The following AGAP1 variants were observed in gnomAD, a reference collection of about 807,000 sequenced individuals.
AGAP1 encodes the protein ArfGAP with GTPase domain, ankyrin repeat and PH domain 1, also known as arf-GAP with GTPase, ANK repeat and PH domain-containing protein 1.
In AGAP1, 29 loss-of-function variants were observed where a neutral mutation model predicts 105.3. That is an observed-to-expected ratio of 0.28 (90% CI 0.21 to 0.38). AGAP1 has a LOEUF of 0.38. Ranked by LOEUF, AGAP1 falls within the 10% of genes least tolerant of loss-of-function variation. The pLI, the probability that AGAP1 is intolerant of heterozygous loss-of-function variation, is 1.00. For synonymous variants in AGAP1, 509 were observed against 485.9 expected, an observed-to-expected ratio of 1.05 and a Z score of -0.63; for missense variants, 998 against 1,165.1, an observed-to-expected ratio of 0.86 and a Z score of 2.09.
At chr2:235,696,579 A>G (rs887706441) in intron 1 of AGAP1, among the ~76,000 whole-genome samples, 1 of 152,086 alleles carries the variant, frequency 6.6e-6, no homozygotes, top group East Asian at 1.9e-4. Flanking sequence ...GGCTCAACAG[A>G]CCTTCTCCCA....
At chr2:235,561,151 G>A (rs1006699792) in intron 1 of AGAP1, among the ~76,000 whole-genome samples, 3 of 152,184 alleles carry the variant, frequency 2.0e-5, no homozygotes, top group East Asian at 3.9e-4. Context: ...CTCCTCGCCT[G>A]TGCTCTCTAT....
intron 9 of AGAP1, among the ~76,000 whole-genome samples, chr2:235,828,861 GTGCAA>G (rs1190608699): frequency 6.6e-6 from 1 of 152,186 alleles, no homozygotes; most frequent in East Asian, 1.9e-4. Flanking sequence ...CCATTTGAAC[GTGCAA>G]TGGATGCTCC....
At chr2:235,547,198 G>C (rs13421279) in intron 1 of AGAP1, among the ~76,000 whole-genome samples, 26,691 of 152,070 alleles carry the variant, frequency 0.18, 2,871 homozygotes, top group East Asian at 0.3. Flanking sequence ...AGATGGCCTA[G>C]CTGCTTGAGG....
chr2:235,495,457 C>T (rs180742801), intron 1 of AGAP1, among the ~76,000 whole-genome samples: 1 of 152,200 alleles, frequency 6.6e-6, no homozygotes, highest in Admixed American at 6.5e-5. Flanking sequence ...AACCAAAAGT[C>T]CGGGGTTGGA....
chr2:235,932,540 A>G (rs574768036), intron 12 of AGAP1, among the ~76,000 whole-genome samples: 52 of 152,342 alleles, frequency 3.4e-4, no homozygotes, highest in African/African-American at 1.2e-3. Context: ...GGGCGTGGGG[A>G]GATGCACGCT....
intron 1 of AGAP1, among the ~76,000 whole-genome samples, chr2:235,613,975 G>T (rs189479287): frequency 4.2e-3 from 632 of 151,862 alleles, no homozygotes; most frequent in Non-Finnish European, 5.7e-3. Context: ...TGGGAATATT[G>T]TGCATGAGTC....
Position 235,535,201 on chromosome 2 carries a change from C to A in AGAP1, c.163+40352C>A, listed in dbSNP as rs537956331. 1.3e-5 allele frequency among the ~76,000 whole-genome samples: 2 copies of A among 152,078 alleles called. No individual in the cohort carries two copies. The highest frequency in any genetic ancestry group is 2.9e-5 in the Non-Finnish European group (2 of 68,024). On this transcript the variant is annotated intron_variant, in intron 1 of 17. Coordinates refer to ENST00000304032, the MANE Select transcript of AGAP1 (RefSeq NM_001037131.3). The surrounding 1 kb of genome is among the most constrained non-coding windows in gnomAD (Gnocchi z 5.1). ...CCACCCGCACCAGGTTGCCTCCCAT[C>A]GTTTGCAGGAGCGGAAGACCCGATG...
At position 235,994,323 on chromosome 2, in the gene AGAP1, G is replaced by A. The variant is rs1292077093; in HGVS notation, c.1645+25700G>A. Among the ~76,000 whole-genome samples, 2 of 152,154 alleles carry A rather than the reference G, an allele frequency of 1.3e-5. No individual in the cohort carries two copies. Among genetic ancestry groups the A allele is most frequent in the Admixed American group, 6.5e-5 (1 of 15,286 alleles). Reference sequence around the variant, plus strand: ...CCCTCCTGAAAGCTGGTTCCATTTAGGGGTGTTCCCTGTCATTTTCGTGCT... The same window carrying A: ...CCCTCCTGAAAGCTGGTTCCATTTAAGGGTGTTCCCTGTCATTTTCGTGCT... On this transcript the variant is annotated intron_variant, in intron 13 of 17. Transcript: ENST00000304032. This position sits in a 1 kb window ranked among gnomAD's most constrained non-coding sequence, Gnocchi z 4.4.
At chr2:235,709,748 G>A (rs1316351398) in intron 2 of AGAP1, among the ~76,000 whole-genome samples, 1 of 152,102 alleles carries the variant, frequency 6.6e-6, no homozygotes, top group Non-Finnish European at 1.5e-5. Context: ...TGTCTTTTAC[G>A]AACCTTACCC....
In AGAP1 at chr2:235,919,183, G is replaced by A. The variant is rs901180281; in HGVS notation, c.1324+10277G>A. Among the ~76,000 whole-genome samples the A allele has an allele frequency of 4.5e-4, 68 of 152,136 alleles. No individual in the cohort carries two copies. Among genetic ancestry groups the A allele is most frequent in the African/African-American group, 1.5e-3 (64 of 41,430 alleles). On this transcript the variant is annotated intron_variant, in intron 11 of 17. Transcript: ENST00000304032. This position sits in a 1 kb window ranked among gnomAD's most constrained non-coding sequence, Gnocchi z 4.1. Reference sequence around the variant, plus strand: ...CCGCGCCCCCTCCACCAGGGAGCCAGCTGCCAGCCCCGGGGGCCAGTGAGA... The same window carrying A: ...CCGCGCCCCCTCCACCAGGGAGCCAACTGCCAGCCCCGGGGGCCAGTGAGA...
intron 8 of AGAP1, among the ~76,000 whole-genome samples, chr2:235,804,667 T>C (rs1042734491): frequency 6.6e-6 from 1 of 152,252 alleles, no homozygotes; most frequent in African/African-American, 2.4e-5. Flanking sequence ...TTAAACATTT[T>C]TGTAAAGAAG....
chr2:235,804,295 G>C (rs1176257656), intron 8 of AGAP1, among the ~76,000 whole-genome samples: 3 of 152,070 alleles, frequency 2.0e-5, no homozygotes, highest in Admixed American at 2.0e-4. Context: ...TTATTTATGT[G>C]ATATTTTTAA....
At position 236,096,410 on chromosome 2, in the gene AGAP1, A is replaced by G. The variant is rs2059192520; in HGVS notation, c.2115-23782A>G. Among the ~76,000 whole-genome samples the G allele has an allele frequency of 2.0e-5, 3 of 151,562 alleles. No individual in the cohort carries two copies. In the South Asian group the frequency reaches 6.3e-4, roughly 32 times the overall value. ...CAACTACTTGGGAAGCTGAGGCAAG[A>G]GAATCCCTTGAACCTGAGAGGCAGA... On this transcript the variant is annotated intron_variant, in intron 16 of 17. Coordinates refer to ENST00000304032, the MANE Select transcript of AGAP1 (RefSeq NM_001037131.3). This position sits in a 1 kb window ranked among gnomAD's most constrained non-coding sequence, Gnocchi z 4.4.
Position 236,126,046 on chromosome 2 carries a change from TAAAG to T in AGAP1, c.*1925_*1928del, listed in dbSNP as rs1260469670. ...TCTTATTTCACTTTTTAAAAAAAAT[TAAAG>T]TAGGTGGGGAAAAAAATAAAGCTTT... On this transcript the variant is annotated 3_prime_UTR_variant, in exon 18 of 18. Transcript: ENST00000304032. The T allele has an allele frequency of 6.6e-6, 1 of 151,896 alleles. No individual in the cohort carries two copies. Among genetic ancestry groups the T allele is most frequent in the Non-Finnish European group, 1.5e-5 (1 of 67,998 alleles). 9.4% of individuals were successfully genotyped at this position (151,896 alleles called of 1,614,324 possible). A position where few individuals can be genotyped will look rare whatever the true frequency, so the allele number is the denominator to read the frequency against.
chr2:235,923,240 T>C (rs1034107884), intron 11 of AGAP1, among the ~76,000 whole-genome samples: 1 of 152,202 alleles, frequency 6.6e-6, no homozygotes, highest in Non-Finnish European at 1.5e-5. Flanking sequence ...CATCCTATAC[T>C]GTTTGGGGCT....
Position 235,655,470 on chromosome 2 carries a change from C to T in AGAP1, c.164-53709C>T, listed in dbSNP as rs996276951. On this transcript the variant is annotated intron_variant, in intron 1 of 17. Transcript: ENST00000304032. This position sits in a 1 kb window ranked among gnomAD's most constrained non-coding sequence, Gnocchi z 4.3. ...ACCTGGACAACCCAGGTGCCCAGTC[C>T]TTCATTGCCTCATGGGCTCTCTAGT... Among the ~76,000 whole-genome samples, 3 of 152,146 alleles carry T rather than the reference C, an allele frequency of 2.0e-5. No homozygotes were observed. The highest frequency in any genetic ancestry group is 2.9e-5 in the Non-Finnish European group (2 of 68,014).
In AGAP1 at chr2:235,927,133, T is replaced by C. The variant is rs944955835; in HGVS notation, c.1325-3632T>C. ...CAAATTCAGTCATGCTGTTTCAGTG[T>C]AGTCCCGCAGTGGGAAGTGGGTGTG... is the stretch of plus-strand genomic sequence containing the variant. On this transcript the variant is annotated intron_variant, in intron 11 of 17. Coordinates refer to ENST00000304032, the MANE Select transcript of AGAP1 (RefSeq NM_001037131.3). This position sits in a 1 kb window ranked among gnomAD's most constrained non-coding sequence, Gnocchi z 4.4. 6.6e-6 allele frequency among the ~76,000 whole-genome samples: 1 copy of C among 152,218 alleles called. No individual in the cohort carries two copies. The highest frequency in any genetic ancestry group is 1.5e-5 in the Non-Finnish European group (1 of 68,046).
intron 6 of AGAP1, among the ~76,000 whole-genome samples, chr2:235,768,708 G>A (rs538318905): frequency 6.6e-6 from 1 of 152,282 alleles, no homozygotes; most frequent in South Asian, 2.1e-4. Context: ...CACATTCACA[G>A]AACCTACCTG....
rs141621707 is a variant in AGAP1 at position 235,961,369 on chromosome 2, C to G, written c.1484-7093C>G. On this transcript the variant is annotated intron_variant, in intron 12 of 17. Transcript: ENST00000304032. The surrounding 1 kb of genome is among the most constrained non-coding windows in gnomAD (Gnocchi z 5.9). ...CCCCGTCTAAGGCGGCAGGGATGAG[C>G]TGTGTGGATGCTGCTGAGACTGGTG... 2.8e-4 allele frequency among the ~76,000 whole-genome samples: 42 copies of G among 152,314 alleles called. No homozygotes were observed. Among genetic ancestry groups the G allele is most frequent in the Admixed American group, 5.2e-4 (8 of 15,308 alleles).
Sources: gnomAD v4.1 joint callset for allele counts (sites outside exome capture counted in the v4.1 genomes callset) on GRCh38, gnomAD v4.1.1 for gene constraint, Gnocchi (gnomAD v3.1) non-coding constraint, MANE v1.5 for transcripts, NCBI Gene and HGNC (gene_info 2026-07-23, HGNC 2026-07-21) for gene names.